The following RIMOC1 variants were observed in gnomAD, a reference collection of about 807,000 sequenced individuals.
RIMOC1 encodes the protein RAB7A-interacting MON1-CCZ1 complex subunit 1.
chr5:41,909,984 A>G, the RIMOC1 span: 9 of 1,041,240 alleles, frequency 8.6e-6, no homozygotes, highest in South Asian at 1.7e-5. Context: ...TCTTGATTGT[A>G]TCTTTGTTTC....
the RIMOC1 span, among the ~76,000 whole-genome samples, chr5:41,910,572 T>C: frequency 6.6e-6 from 1 of 152,030 alleles, no homozygotes; most frequent in African/African-American, 2.4e-5. Flanking sequence ...ATTTTTTTTC[T>C]CTATTTATTT....
chr5:41,907,753 G>C, the RIMOC1 span: 1 of 1,604,744 alleles, frequency 6.2e-7, no homozygotes, highest in Admixed American at 1.7e-5. Context: ...TTTAATTCGG[G>C]CCTCTGCAGC....
the RIMOC1 span, among the ~76,000 whole-genome samples, chr5:41,909,347 T>C: frequency 5.3e-5 from 8 of 152,138 alleles, no homozygotes; most frequent in African/African-American, 1.9e-4. Flanking sequence ...CACAAATCCT[T>C]TGAAGGTTCA....
chr5:41,917,584 A>G, the RIMOC1 span: 11 of 1,005,932 alleles, frequency 1.1e-5, no homozygotes, highest in Non-Finnish European at 1.3e-5. Flanking sequence ...AGCTTTACAA[A>G]GATTTTTTCT....
chr5:41,908,042 A>G, the RIMOC1 span, among the ~76,000 whole-genome samples: 1 of 152,200 alleles, frequency 6.6e-6, no homozygotes, highest in Admixed American at 6.5e-5. Flanking sequence ...AGATGTGTTA[A>G]TAAGAAAAGT....
chr5:41,919,277 TC>T, the RIMOC1 span: 3 of 152,180 alleles, frequency 2.0e-5, no homozygotes, highest in Non-Finnish European at 2.9e-5. Flanking sequence ...TTTCCGCAGA[TC>T]AGGGCAACAC....
chr5:41,912,061 T>G, the RIMOC1 span: 1 of 1,526,936 alleles, frequency 6.5e-7, no homozygotes. Flanking sequence ...GCTCTGACTT[T>G]TATTTAGTAC....
the RIMOC1 span, chr5:41,918,569 A>G: frequency 2.1e-5 from 21 of 985,262 alleles, no homozygotes; most frequent in Middle Eastern, 5.2e-4. Context: ...TTTATTATCT[A>G]CCTTTTCGGG....
chr5:41,914,036 G>T, the RIMOC1 span, among the ~76,000 whole-genome samples: 1 of 152,184 alleles, frequency 6.6e-6, no homozygotes. Flanking sequence ...AAAAGAAAAA[G>T]GTGGGGGTAG....
the RIMOC1 span, among the ~76,000 whole-genome samples, chr5:41,911,652 T>C: frequency 3.9e-5 from 6 of 152,190 alleles, no homozygotes; most frequent in Admixed American, 3.9e-4. Flanking sequence ...ACACACAATT[T>C]AGGTGGGCTT....
the RIMOC1 span, chr5:41,917,460 T>TC: frequency 7.4e-7 from 1 of 1,351,442 alleles, no homozygotes; most frequent in Non-Finnish European, 9.5e-7. Context: ...ACCATCTTTT[T>TC]CATTATATAT....
chr5:41,913,027 A>G, the RIMOC1 span, among the ~76,000 whole-genome samples: 1 of 152,210 alleles, frequency 6.6e-6, no homozygotes, highest in Non-Finnish European at 1.5e-5. Context: ...AGAACATAAT[A>G]TAAATGATAC....
chr5:41,917,799 A>C, the RIMOC1 span: 1 of 868,950 alleles, frequency 1.2e-6, no homozygotes. Flanking sequence ...CATTTTCAAT[A>C]AGGTAAATAA....
chr5:41,917,013 C>A, the RIMOC1 span: 2 of 1,573,610 alleles, frequency 1.3e-6, no homozygotes, highest in Non-Finnish European at 1.7e-6. Flanking sequence ...ATGACTTTCC[C>A]AGGAATATTT....
At chr5:41,918,914 C>T in the RIMOC1 span, 5 of 211,166 alleles carry the variant, frequency 2.4e-5, no homozygotes, top group African/African-American at 7.1e-5. Flanking sequence ...GTTTCATCTT[C>T]GCTGTCTCTC....
At chr5:41,911,120 T>G in the RIMOC1 span, 1 of 1,610,376 alleles carries the variant, frequency 6.2e-7, no homozygotes, top group Non-Finnish European at 8.5e-7. Context: ...GTATATGTAT[T>G]GTCATTCTCT....
At chr5:41,909,725 T>C in the RIMOC1 span, 10 of 1,496,144 alleles carry the variant, frequency 6.7e-6, no homozygotes, top group Non-Finnish European at 8.0e-6. Context: ...GATAGATATC[T>C]TTCTTTTTTT....
the RIMOC1 span, chr5:41,919,833 C>T: frequency 4.6e-5 from 7 of 152,158 alleles, no homozygotes; most frequent in Non-Finnish European, 1.0e-4. Flanking sequence ...CTTCCCCTCC[C>T]ATGTTGTCGC....
At chr5:41,907,098 G>A in the RIMOC1 span, among the ~76,000 whole-genome samples, 1 of 152,142 alleles carries the variant, frequency 6.6e-6, no homozygotes, top group Non-Finnish European at 1.5e-5. Context: ...GAAGGCGGAG[G>A]GAGGGTGAAT....
Sources: gnomAD v4.1 joint callset for allele counts (sites outside exome capture counted in the v4.1 genomes callset) on GRCh38, gnomAD v4.1.1 for gene constraint, MANE v1.5 for transcripts, NCBI Gene and HGNC (gene_info 2026-07-23, HGNC 2026-07-21) for gene names.